FRMD4B: variants seen among roughly 807,000 people sequenced by gnomAD.
FRMD4B encodes the protein FERM domain-containing protein 4B.
Under a neutral mutation model 141.5 loss-of-function variants are expected in FRMD4B, and 74 were observed. The observed-to-expected ratio is 0.52, with a 90% CI of 0.43 to 0.63. The LOEUF is 0.63. Ranked by LOEUF, FRMD4B falls within the 30% of genes least tolerant of loss-of-function variation. The pLI, the probability that FRMD4B is intolerant of heterozygous loss-of-function variation, is 0.00. For missense variants in FRMD4B, 1,366 were observed against 1,253.4 expected (o/e 1.09, Z -1.36); for synonymous variants, 506 against 467.9 (o/e 1.08, Z -1.05).
At chr3:69,217,526 G>T (rs770240715) in intron 10 of FRMD4B, among the ~76,000 whole-genome samples, 2 of 152,144 alleles carry the variant, frequency 1.3e-5, no homozygotes, top group Non-Finnish European at 2.9e-5. Flanking sequence ...GTGGGCTGAG[G>T]CAGGAGAATT....
intron 5 of FRMD4B, among the ~76,000 whole-genome samples, chr3:69,271,461 C>T (rs551153755): frequency 1.3e-5 from 2 of 152,252 alleles, no homozygotes; most frequent in East Asian, 1.9e-4. Context: ...CCAAAGATCA[C>T]AGCACGATGA....
At chr3:69,501,867 A>G (rs1340491580) in intron 1 of FRMD4B, among the ~76,000 whole-genome samples, 1 of 152,216 alleles carries the variant, frequency 6.6e-6, no homozygotes, top group Non-Finnish European at 1.5e-5. Context: ...AAAAATCACA[A>G]GTATTCTTAT....
chr3:69,455,330 A>G (rs548918961), intron 1 of FRMD4B, among the ~76,000 whole-genome samples: 2 of 152,298 alleles, frequency 1.3e-5, no homozygotes, highest in African/African-American at 2.4e-5. Flanking sequence ...TTTGCAATAA[A>G]TTTTTGCAGT....
chr3:69,451,542 A>G (rs961700108), intron 1 of FRMD4B, among the ~76,000 whole-genome samples: 2 of 152,306 alleles, frequency 1.3e-5, no homozygotes, highest in Admixed American at 6.5e-5. Context: ...ATGAAAAATA[A>G]GGTTTACAGC....
intron 21 of FRMD4B, among the ~76,000 whole-genome samples, chr3:69,177,685 T>G: frequency 6.6e-6 from 1 of 152,288 alleles, no homozygotes; most frequent in Middle Eastern, 3.4e-3. Flanking sequence ...AAATAATTTT[T>G]AAAATAACTG....
At chr3:69,526,729 A>G (rs917571186) in intron 1 of FRMD4B, among the ~76,000 whole-genome samples, 1 of 152,198 alleles carries the variant, frequency 6.6e-6, no homozygotes. Context: ...TCCCGAGAAC[A>G]TAACAGGCAC....
chr3:69,230,298 A>G (rs1575635605), intron 7 of FRMD4B, among the ~76,000 whole-genome samples: 1 of 152,238 alleles, frequency 6.6e-6, no homozygotes, highest in East Asian at 1.9e-4. Flanking sequence ...TAAAACTCCA[A>G]CAAGGTCTAG....
intron 1 of FRMD4B, among the ~76,000 whole-genome samples, chr3:69,363,353 G>A (rs1301221879): frequency 6.8e-6 from 1 of 146,970 alleles, no homozygotes; most frequent in Non-Finnish European, 1.5e-5. Context: ...CCAAAGTGTT[G>A]GGATCATAGG....
At chr3:69,456,386 C>T (rs1372892774) in intron 1 of FRMD4B, among the ~76,000 whole-genome samples, 1 of 152,064 alleles carries the variant, frequency 6.6e-6, no homozygotes, top group Non-Finnish European at 1.5e-5. Context: ...AAGGAATTTA[C>T]CCTAAGGAAA....
At chr3:69,301,300 G>A (rs1035863115) in intron 4 of FRMD4B, among the ~76,000 whole-genome samples, 1 of 152,094 alleles carries the variant, frequency 6.6e-6, no homozygotes, top group African/African-American at 2.4e-5. Context: ...GCTAGGTAGA[G>A]AAATATAGGT....
chr3:69,505,010 A>G (rs1014851875), intron 1 of FRMD4B, among the ~76,000 whole-genome samples: 2 of 152,178 alleles, frequency 1.3e-5, no homozygotes, highest in African/African-American at 2.4e-5. Context: ...TTCTAAAGCA[A>G]CATCCCCAGG....
At chr3:69,432,756 C>G (rs1056251269) in exon 2 of FRMD4B, 2 of 152,176 alleles carry the variant, frequency 1.3e-5, no homozygotes, top group African/African-American at 4.8e-5. Context: ...GATTTCTCAT[C>G]AAAGCCTGTA....
At chr3:69,243,844 G>A (rs1318349496) in intron 7 of FRMD4B, among the ~76,000 whole-genome samples, 2 of 152,090 alleles carry the variant, frequency 1.3e-5, no homozygotes, top group East Asian at 3.9e-4. Flanking sequence ...CCAGGAGTTC[G>A]AGACCAGCCT....
intron 2 of FRMD4B, among the ~76,000 whole-genome samples, chr3:69,402,513 G>T (rs374631391): frequency 1.3e-5 from 2 of 152,256 alleles, no homozygotes; most frequent in East Asian, 3.9e-4. Flanking sequence ...GATCTTTAAT[G>T]ATATACTTTA....
chr3:69,537,446 C>T (rs957643879), intron 1 of FRMD4B, among the ~76,000 whole-genome samples: 3 of 152,178 alleles, frequency 2.0e-5, no homozygotes, highest in Admixed American at 6.5e-5. Flanking sequence ...TGCTCTAAGA[C>T]ACTACTTAAA....
chr3:69,183,960 A>G (rs1381800968), intron 19 of FRMD4B, among the ~76,000 whole-genome samples: 1 of 151,908 alleles, frequency 6.6e-6, no homozygotes, highest in African/African-American at 2.4e-5. Flanking sequence ...GAGTGGCACA[A>G]TCTCAGCTCA....
intron 1 of FRMD4B, among the ~76,000 whole-genome samples, chr3:69,522,564 G>C (rs971968503): frequency 6.6e-6 from 1 of 152,050 alleles, no homozygotes; most frequent in Non-Finnish European, 1.5e-5. Context: ...TGAGTATTGG[G>C]CCATGTGATA....
In FRMD4B at chr3:69,297,075, A is replaced by G. The variant is rs550064689; in HGVS notation, c.416+5268T>C. On this transcript the variant is annotated intron_variant, in intron 4 of 22. Transcript: ENST00000398540. ...ATATTGGGAGCATCTTTCTATATCA[A>G]TAAGTCTCACCCTTTACTACAGTCT... is the stretch of plus-strand genomic sequence containing the variant. 4.6e-5 allele frequency among the ~76,000 whole-genome samples: 7 copies of G among 152,292 alleles called. No individual in the cohort carries two copies. The South Asian group carries it at 1.0e-3, about 23-fold the overall frequency.
In FRMD4B at chr3:69,196,358, T is replaced by C. The variant is rs769520406; in HGVS notation, c.1131A>G (p.Ala377=). The change falls in exon 14 of 23, where the codon GCA becomes GCG. Residue 377 remains alanine, a synonymous_variant. Transcript: ENST00000398540. Reference sequence around the variant, plus strand: ...GTGTTCCTGTCTCTGTCAAATCCATTGCAATCTCATCTAAACTCCTGGCTG... The same window carrying C: ...GTGTTCCTGTCTCTGTCAAATCCATCGCAATCTCATCTAAACTCCTGGCTG... The part of the protein sequence containing the change: ...IPSARSLDEI[A]MDLTETGTQR... The C allele has an allele frequency of 6.2e-7, 1 of 1,611,808 alleles. No homozygotes were observed. Among genetic ancestry groups the C allele is most frequent in the East Asian group, 2.2e-5 (1 of 44,780 alleles).
Sources: allele counts gnomAD v4.1 joint callset (sites outside exome capture counted in the v4.1 genomes callset), GRCh38; gene constraint gnomAD v4.1.1; transcripts MANE v1.5; gene names NCBI Gene and HGNC (gene_info 2026-07-23, HGNC 2026-07-21).